OBI1: variants seen among roughly 807,000 people sequenced by gnomAD.
The protein encoded by OBI1 is ring finger protein 219.
In OBI1, 59 loss-of-function variants were observed where a neutral mutation model predicts 62.4. That is an observed-to-expected ratio of 0.95 (90% CI 0.77 to 1.17). OBI1 has a LOEUF of 1.17. Ranked by LOEUF, OBI1 falls within the 50% of genes most tolerant of loss-of-function variation. OBI1 has a pLI of 0.00. For synonymous variants in OBI1, 302 were observed against 292.8 expected (o/e 1.03, Z -0.32); for missense variants, 875 against 830.9 (o/e 1.05, Z -0.65).
intron 5 of OBI1, 161 bp from the exon 6 acceptor site, chr13:78,617,283 G>T: frequency 2.0e-6 from 1 of 504,358 alleles, no homozygotes. Flanking sequence ...TTCAAAAAAT[G>T]GTTTCCCCAC....
intron 3 of OBI1, among the ~76,000 whole-genome samples, chr13:78,641,281 T>C (rs1414905254): frequency 6.6e-6 from 1 of 152,236 alleles, no homozygotes; most frequent in Non-Finnish European, 1.5e-5. Flanking sequence ...CATTTCAACT[T>C]AAATAGCATT....
At chr13:78,635,247 A>C (rs9805409) in intron 4 of OBI1, 49 bp from the exon 5 acceptor site, 393,993 of 1,114,926 alleles carry the variant, frequency 0.35, 73,045 homozygotes, top group African/African-American at 0.39. Flanking sequence ...AATAAAAGTG[A>C]CTTGTAAAAA....
chr13:78,638,730 C>T, intron 4 of OBI1, 93 bp downstream of exon 4: 1 of 1,143,676 alleles, frequency 8.7e-7, no homozygotes, highest in Admixed American at 2.3e-5. Flanking sequence ...CACAAATCAT[C>T]TGATGATGAG....
Position 78,635,162 on chromosome 13 carries a change from C to T in OBI1, c.586G>A (p.Val196Met). 1 of 1,610,178 alleles carries T rather than the reference C, an allele frequency of 6.2e-7. No individual in the cohort carries two copies. Among genetic ancestry groups the T allele is most frequent in the Non-Finnish European group, 8.5e-7 (1 of 1,177,618 alleles). Residue 196 changes from valine (V) to methionine (M), a missense_variant, in exon 5 of 6, where the codon GTG becomes ATG. Val to Met is a conservative substitution (Grantham distance 21). Coordinates refer to ENST00000282003, the MANE Select transcript of OBI1 (RefSeq NM_024546.4). ...GCCTTCAGTCGTAAATTCTCCCTCA[C>T]CAGACCACCATTTTCCAATTTCAAT... Reference protein sequence around the residue: ...KKLKLENGGLVRENLRLKAEV... With the variant: ...KKLKLENGGLMRENLRLKAEV...
At chr13:78,620,988 C>A (rs1463676060) in intron 5 of OBI1, among the ~76,000 whole-genome samples, 1 of 152,136 alleles carries the variant, frequency 6.6e-6, no homozygotes, top group Non-Finnish European at 1.5e-5. Context: ...CCAAGACTGC[C>A]AAAATTCAGA....
Position 78,639,045 on chromosome 13 carries a change from T to G in OBI1, c.327A>C (p.Glu109Asp). Residue 109 changes from glutamate (E) to aspartate (D), a missense_variant, in exon 4 of 6, where the codon GAA (glutamate) becomes GAC (aspartate). By Grantham distance (45) the Glu-to-Asp change is conservative. Coordinates refer to ENST00000282003, the MANE Select transcript of OBI1 (RefSeq NM_024546.4). ...GATTTTTACTCTTAAGCTCTTCTAC[T>G]TCTTTCTGTAAACAATCTATTTCGT... ...YEDEIDCLQK[E>D]VEELKSKNLS... 6.2e-7 allele frequency: 1 copy of G among 1,613,326 alleles called. No homozygotes were observed. The highest frequency in any genetic ancestry group is 8.5e-7 in the Non-Finnish European group (1 of 1,179,772).
intron 3 of OBI1, among the ~76,000 whole-genome samples, chr13:78,640,226 T>C (rs1876171931): frequency 6.6e-6 from 1 of 151,348 alleles, no homozygotes; most frequent in Admixed American, 6.6e-5. Context: ...CCCCACCTCA[T>C]CCCCACATCT....
intron 1 of OBI1, among the ~76,000 whole-genome samples, chr13:78,658,690 C>A (rs1192863301): frequency 6.6e-6 from 1 of 152,162 alleles, no homozygotes; most frequent in Admixed American, 6.5e-5. Flanking sequence ...TCACTACACG[C>A]CACGCGAGGC....
At chr13:78,657,374 A>AT (rs1185590366) in intron 1 of OBI1, among the ~76,000 whole-genome samples, 1 of 152,184 alleles carries the variant, frequency 6.6e-6, no homozygotes, top group African/African-American at 2.4e-5. Flanking sequence ...AATGGTAATA[A>AT]TGATAGAGGT....
At chr13:78,654,881 A>G (rs1876652607) in intron 1 of OBI1, among the ~76,000 whole-genome samples, 1 of 152,188 alleles carries the variant, frequency 6.6e-6, no homozygotes, top group African/African-American at 2.4e-5. Context: ...ATATCCATTC[A>G]TTCCAGCACT....
chr13:78,628,195 T>TTA (rs1875736483), intron 5 of OBI1, among the ~76,000 whole-genome samples: 2 of 152,236 alleles, frequency 1.3e-5, no homozygotes, highest in African/African-American at 4.8e-5. Flanking sequence ...TAGGTAGTAC[T>TTA]ATTAACCCTA....
Position 78,657,028 on chromosome 13 carries a change from G to A in OBI1, c.72+2021C>T, listed in dbSNP as rs184997211. 7.8e-3 allele frequency among the ~76,000 whole-genome samples: 1,177 copies of A among 151,846 alleles called. 10 individuals are homozygous for A. The highest frequency in any genetic ancestry group is 0.031 in the South Asian group (150 of 4,816). Reference sequence around the variant, plus strand: ...TCAAACTCCTGACCTCAGGCGATCTGCCCGCCTCGGCCTCCCAAAGTGCTG... The same window carrying A: ...TCAAACTCCTGACCTCAGGCGATCTACCCGCCTCGGCCTCCCAAAGTGCTG... On this transcript the variant is annotated intron_variant, in intron 1 of 5. Coordinates refer to ENST00000282003, the MANE Select transcript of OBI1 (RefSeq NM_024546.4).
chr13:78,622,324 C>G (rs1048600885), intron 5 of OBI1, among the ~76,000 whole-genome samples: 2 of 152,032 alleles, frequency 1.3e-5, no homozygotes, highest in African/African-American at 4.8e-5. Flanking sequence ...CGCCTGTAGT[C>G]CCAACTACTC....
At chr13:78,642,252 G>C (rs1258618561) in intron 2 of OBI1, 39 bp from the exon 3 acceptor site, 1 of 1,215,722 alleles carries the variant, frequency 8.2e-7, no homozygotes, top group Non-Finnish European at 1.2e-6. Context: ...TTTTCATTCT[G>C]ATTCGGGAAG....
chr13:78,653,626 G>A (rs528013037), intron 1 of OBI1, among the ~76,000 whole-genome samples: 15 of 152,248 alleles, frequency 9.9e-5, no homozygotes, highest in Non-Finnish European at 1.9e-4. Context: ...AATACAGGAC[G>A]ATGTGCCTGA....
rs986125969 is a variant in OBI1, at chr13:78,629,314, T to C, written c.638+5796A>G. Among the ~76,000 whole-genome samples, 8 of 152,204 alleles carry C rather than the reference T, an allele frequency of 5.3e-5. No homozygotes were observed. The East Asian group carries it at 1.4e-3, about 26-fold the overall frequency. ...CATAACATTCCTGCATACATATTTA[T>C]AGAAAGAAAAGCCATTAATTCAATT... On this transcript the variant is annotated intron_variant, in intron 5 of 5. Transcript: ENST00000282003.
chr13:78,636,977 A>T (rs974294230), intron 4 of OBI1, among the ~76,000 whole-genome samples: 1 of 152,190 alleles, frequency 6.6e-6, no homozygotes, highest in Admixed American at 6.5e-5. Flanking sequence ...ACTATCAGAG[A>T]TCTTTTCAAG....
At chr13:78,629,385 TTAAGG>T (rs1192674707) in intron 5 of OBI1, among the ~76,000 whole-genome samples, 1 of 152,130 alleles carries the variant, frequency 6.6e-6, no homozygotes, top group African/African-American at 2.4e-5. Flanking sequence ...TCCCATACTA[TTAAGG>T]TGAGTTAGTA....
chr13:78,638,442 G>A lies in OBI1; in HGVS notation c.549+381C>T, dbSNP rs939981780. On this transcript the variant is annotated intron_variant, in intron 4 of 5. Transcript: ENST00000282003. ...TCAAAACTTTTCCTTTCATTGGTGC[G>A]AAAATGGTTATGTGTTTGTTTTTAG... is the stretch of plus-strand genomic sequence containing the variant. Among the ~76,000 whole-genome samples, 4 of 152,234 alleles carry A rather than the reference G, an allele frequency of 2.6e-5. No homozygotes were observed. In the East Asian group the frequency reaches 5.8e-4, roughly 22 times the overall value.
Sources: allele counts gnomAD v4.1 joint callset (sites outside exome capture counted in the v4.1 genomes callset), GRCh38; gene constraint gnomAD v4.1.1; transcripts MANE v1.5; gene names NCBI Gene and HGNC (gene_info 2026-07-23, HGNC 2026-07-21).